MTUS1: variants seen among roughly 807,000 people sequenced by gnomAD.
MTUS1 encodes microtubule associated scaffold protein 1, also known as microtubule-associated tumor suppressor 1.
MTUS1 carries 109 observed loss-of-function variants against 120.8 expected under a neutral mutation model. The ratio of observed to expected loss-of-function variants is 0.90; its 90% CI spans 0.77 to 1.06. MTUS1 has a LOEUF of 1.06. Ranked by LOEUF, MTUS1 falls within the 50% of genes least tolerant of loss-of-function variation. MTUS1 has a pLI of 0.00. For synonymous variants in MTUS1, 737 were observed against 550.5 expected (o/e 1.34, Z -4.74); for missense variants, 2,210 against 1,486.3 (o/e 1.49, Z -8.01).
At position 17,721,927 on chromosome 8, in the gene MTUS1, C is replaced by A. The variant is rs370504176; in HGVS notation, c.2449+1745G>T. The A allele has an allele frequency of 2.1e-3, 3,322 of 1,597,334 alleles. 8 individuals are homozygous for A. The highest frequency in any genetic ancestry group is 2.6e-3 in the Non-Finnish European group (3,026 of 1,170,884). ...TTAAAAGGATCAAAGCAAGCTTAAG[C>A]AGGAAAAACTGCAGCCATGTTCACT... On this transcript the variant is annotated intron_variant, in intron 4 of 14. Transcript: ENST00000693296.
At chr8:17,767,770 G>A (rs1046023600) in intron 1 of MTUS1, among the ~76,000 whole-genome samples, 42 of 151,850 alleles carry the variant, frequency 2.8e-4, no homozygotes, top group Middle Eastern at 6.8e-3. Flanking sequence ...TGGGGGTTGG[G>A]GAACATGAAG....
intron 2 of MTUS1, among the ~76,000 whole-genome samples, chr8:17,751,064 C>G (rs913033378): frequency 6.6e-6 from 1 of 152,204 alleles, no homozygotes; most frequent in African/African-American, 2.4e-5. Context: ...CGCCTGTAAT[C>G]CCAGCACTTT....
chr8:17,715,687 AT>A, intron 5 of MTUS1, 79 bp downstream of exon 5: 1 of 1,371,606 alleles, frequency 7.3e-7, no homozygotes, highest in Non-Finnish European at 1.0e-6. Context: ...CATAAACCTA[AT>A]TGTCAAAATT....
At chr8:17,773,078 A>AAC (rs2050134236) in intron 1 of MTUS1, among the ~76,000 whole-genome samples, 1 of 152,176 alleles carries the variant, frequency 6.6e-6, no homozygotes, top group Non-Finnish European at 1.5e-5. Flanking sequence ...ATGAGATGTT[A>AAC]ATTTAGGCTG....
chr8:17,726,702 T>C (rs1585988383), intron 3 of MTUS1, among the ~76,000 whole-genome samples: 2 of 152,166 alleles, frequency 1.3e-5, no homozygotes, highest in Admixed American at 6.6e-5. Context: ...ACTTTAAAAA[T>C]TTATGGTTAG....
chr8:17,657,522 C>T (rs1258367595), intron 8 of MTUS1, among the ~76,000 whole-genome samples: 9 of 149,158 alleles, frequency 6.0e-5, no homozygotes, highest in African/African-American at 9.9e-5. Flanking sequence ...GAGCCGAGAT[C>T]CCGCCACTGC....
intron 1 of MTUS1, among the ~76,000 whole-genome samples, chr8:17,767,004 T>C (rs2049560029): frequency 1.3e-5 from 2 of 152,236 alleles, no homozygotes; most frequent in African/African-American, 2.4e-5. Context: ...ATGACCAGTA[T>C]ATAATAAGAC....
In MTUS1 at chr8:17,764,202, G is replaced by A. The variant is rs191018660; in HGVS notation, c.-154-8241C>T. ...TCTTTTGTTTTGTCAAAACAAAGAT[G>A]TTACAGGCCTGTGCTTGTTTAATAT... On this transcript the variant is annotated intron_variant, in intron 1 of 14. Transcript: ENST00000693296. Among the ~76,000 whole-genome samples the A allele has an allele frequency of 3.3e-5, 5 of 152,218 alleles. No homozygotes were observed. The East Asian group carries it at 7.7e-4, about 24-fold the overall frequency.
rs78095564 is a variant in MTUS1, at chr8:17,779,642, A to C, written c.-155+21419T>G. Among the ~76,000 whole-genome samples the C allele has an allele frequency of 2.0e-3, 301 of 152,330 alleles. 3 individuals are homozygous for C. The highest frequency in any genetic ancestry group is 2.7e-3 in the Non-Finnish European group (187 of 68,032). The stretch of plus-strand genomic sequence containing the variant: ...GTTTGACAAATCGAAACCTCTTCAC[A>C]ATACGGGAATCAACCTTAAAGAAGG... On this transcript the variant is annotated intron_variant, in intron 1 of 14. Coordinates refer to ENST00000693296, the MANE Select transcript of MTUS1 (RefSeq NM_001363059.2).
intron 6 of MTUS1, among the ~76,000 whole-genome samples, chr8:17,694,642 T>A (rs1423096299): frequency 1.3e-5 from 2 of 151,946 alleles, no homozygotes; most frequent in Non-Finnish European, 2.9e-5. Flanking sequence ...CACTCCAGCC[T>A]AGGCAACAGA....
rs765675524 is a variant in MTUS1, at chr8:17,665,764, G to T, written c.2905+9422C>A. The stretch of plus-strand genomic sequence containing the variant: ...TGTAGAAGACAAAGTTAATTCACAC[G>T]TACCATGGATGCCTCAGGGTAGTAG... On this transcript the variant is annotated intron_variant, in intron 8 of 14. Coordinates refer to ENST00000693296, the MANE Select transcript of MTUS1 (RefSeq NM_001363059.2). Among the ~76,000 whole-genome samples, 4 of 152,172 alleles carry T rather than the reference G, an allele frequency of 2.6e-5. No individual in the cohort carries two copies. In the East Asian group the frequency reaches 7.7e-4, roughly 29 times the overall value.
chr8:17,703,223 A>T (rs1157903569), intron 6 of MTUS1, among the ~76,000 whole-genome samples: 1 of 152,014 alleles, frequency 6.6e-6, no homozygotes, highest in Non-Finnish European at 1.5e-5. Flanking sequence ...CGAGTAGGAG[A>T]GATATCGTTA....
In MTUS1 at chr8:17,654,600, G is replaced by C. The variant is rs571087583; in HGVS notation, c.3175C>G (p.Leu1059Val). 6.2e-7 allele frequency: 1 copy of C among 1,614,068 alleles called. No individual in the cohort carries two copies. Among genetic ancestry groups the C allele is most frequent in the Non-Finnish European group, 8.5e-7 (1 of 1,179,906 alleles). The change falls in exon 10 of 15, where the codon CTT becomes GTT. Residue 1059 changes from leucine to valine, a missense_variant. Leu to Val is a conservative substitution (Grantham distance 32). Transcript: ENST00000693296. ...LEIEASHSEKLELLKKAYEAS... is the reference protein window; with the variant it reads ...LEIEASHSEKVELLKKAYEAS... ...TCATAGGCCTTCTTTAGCAATTCAAGTTTCTCTGAGTGGCTAGCTTCAATT... is the reference window on the plus strand; with the variant it reads ...TCATAGGCCTTCTTTAGCAATTCAACTTTCTCTGAGTGGCTAGCTTCAATT...
chr8:17,647,627 C>T (rs1270283931), intron 13 of MTUS1, among the ~76,000 whole-genome samples: 1 of 152,112 alleles, frequency 6.6e-6, no homozygotes, highest in Non-Finnish European at 1.5e-5. Context: ...TAGAGCATGC[C>T]ATCAAAGAAG....
intron 8 of MTUS1, among the ~76,000 whole-genome samples, chr8:17,666,040 A>G (rs575570338): frequency 1.4e-5 from 2 of 146,522 alleles, no homozygotes; most frequent in South Asian, 4.3e-4. Flanking sequence ...TGCAAAGGCC[A>G]TTTGCTGTTT....
chr8:17,689,688 C>G (rs1033081260), intron 6 of MTUS1, among the ~76,000 whole-genome samples: 2 of 152,094 alleles, frequency 1.3e-5, no homozygotes, highest in African/African-American at 4.8e-5. Flanking sequence ...TAAAAATAGA[C>G]ACATAGATCA....
In MTUS1 at chr8:17,646,045, A is replaced by G. The variant is rs1444215303; in HGVS notation, c.3694T>C (p.Trp1232Arg). The G allele has an allele frequency of 1.2e-6, 2 of 1,613,736 alleles. No homozygotes were observed. Among genetic ancestry groups the G allele is most frequent in the African/African-American group, 1.3e-5 (1 of 75,000 alleles). Reference sequence around the variant, plus strand: ...CACAGGTCCCCATTGTGCAGTTTCCACAGAAGCTCCTCGTTTTCCATAGAG... The same window carrying G: ...CACAGGTCCCCATTGTGCAGTTTCCGCAGAAGCTCCTCGTTTTCCATAGAG... The part of the protein sequence containing the change: ...RLSMENEELL[W>R]KLHNGDLCSP... The change falls in exon 15 of 15, where the codon TGG becomes CGG. Residue 1232 changes from tryptophan to arginine, a missense_variant. Trp to Arg is a moderately radical substitution (Grantham distance 101). Transcript: ENST00000693296.
rs2048420467 is a variant in MTUS1, at chr8:17,754,275, T to A, written c.1533A>T (p.Lys511Asn). The A allele has an allele frequency of 4.3e-6, 7 of 1,614,166 alleles. No homozygotes were observed. The highest frequency in any genetic ancestry group is 5.9e-6 in the Non-Finnish European group (7 of 1,180,028). ...ACACTGCTCTAGACATAACTTTTGC[T>A]TTGACATTCTTGAAGTTTGGTCTTG... ...SYPRPNFKNVKAKVMSRAVLQ... is the reference protein window; with the variant it reads ...SYPRPNFKNVNAKVMSRAVLQ... The change falls in exon 2 of 15, where the codon AAA becomes AAT. Residue 511 changes from lysine (K) to asparagine (N), a missense_variant. Physicochemically the swap from Lys to Asn is moderately conservative, Grantham distance 94. Coordinates refer to ENST00000693296, the MANE Select transcript of MTUS1 (RefSeq NM_001363059.2).
chr8:17,714,510 T>G (rs1821933399), intron 5 of MTUS1, among the ~76,000 whole-genome samples: 2 of 152,198 alleles, frequency 1.3e-5, no homozygotes, highest in South Asian at 4.1e-4. Flanking sequence ...TTGAAGAGGT[T>G]CATCTCAGTA....
Sources: allele counts gnomAD v4.1 joint callset (sites outside exome capture counted in the v4.1 genomes callset), GRCh38; gene constraint gnomAD v4.1.1; transcripts MANE v1.5; gene names NCBI Gene and HGNC (gene_info 2026-07-23, HGNC 2026-07-21).